The following TSPAN15 variants were observed in gnomAD, a reference collection of about 807,000 sequenced individuals.
TSPAN15 encodes the protein tetraspanin-15.
In TSPAN15, 20 loss-of-function variants were observed where a neutral mutation model predicts 34.5. The ratio of observed to expected loss-of-function variants is 0.58; its 90% confidence interval spans 0.41 to 0.84. The LOEUF (loss-of-function observed/expected upper bound fraction) is 0.84, where lower values mean the gene tolerates loss of function less well. TSPAN15 is among the 40% of genes least tolerant of loss of function. The pLI is 0.00. For synonymous variants in TSPAN15, 155 were observed against 153.9 expected (o/e 1.01, Z -0.05); for missense variants, 313 against 386.1 (o/e 0.81, Z 1.59).
At chr10:69,508,541 G>C (rs1343980824), downstream of TSPAN15, among the ~76,000 whole-genome samples, 1 of 151,260 alleles carries the variant, frequency 6.6e-6, no homozygotes, top group Non-Finnish European at 1.5e-5. Flanking sequence ...TACACACCCA[G>C]TAGTTAAGTG....
the TSPAN15 span, chr10:69,523,498 T>C: frequency 5.9e-6 from 3 of 506,484 alleles, no homozygotes; most frequent in South Asian, 5.0e-5. Flanking sequence ...GGCCAGACTG[T>C]GTAAGAAGTG....
At chr10:69,546,266 T>C in the TSPAN15 span, among the ~76,000 whole-genome samples, 170 of 152,324 alleles carry the variant, frequency 1.1e-3, no homozygotes, top group African/African-American at 3.9e-3. Context: ...AGAGCCTGCG[T>C]AGTCTCTAGA....
chr10:69,510,938 G>A (rs1163226423), downstream of TSPAN15, among the ~76,000 whole-genome samples: 1 of 152,198 alleles, frequency 6.6e-6, no homozygotes, highest in Non-Finnish European at 1.5e-5. Flanking sequence ...CTTGATCGTG[G>A]TAGATAAGCT....
chr10:69,493,673 C>T (rs564155106), intron 3 of TSPAN15, among the ~76,000 whole-genome samples: 12 of 152,272 alleles, frequency 7.9e-5, no homozygotes, highest in Admixed American at 2.6e-4. Flanking sequence ...GGGGTTTCAC[C>T]GAGTTAGCCA....
the TSPAN15 span, among the ~76,000 whole-genome samples, chr10:69,524,822 C>T: frequency 6.9e-6 from 1 of 145,500 alleles, no homozygotes; most frequent in Non-Finnish European, 1.5e-5. Context: ...CTCTTGTCAC[C>T]CAGGTTGGGG....
At chr10:69,495,523 T>A in intron 3 of TSPAN15, 71 bp from the exon 4 acceptor site, 1 of 1,160,386 alleles carries the variant, frequency 8.6e-7, no homozygotes, top group South Asian at 1.2e-5. Flanking sequence ...CCATCCAGGC[T>A]TCTGGAAAAC....
chr10:69,490,826 T>C (rs149458003), intron 3 of TSPAN15, among the ~76,000 whole-genome samples: 4 of 152,390 alleles, frequency 2.6e-5, no homozygotes, highest in African/African-American at 9.6e-5. Context: ...GTATCATTTT[T>C]TACTGTTGTG....
At chr10:69,475,148 T>G in intron 1 of TSPAN15, among the ~76,000 whole-genome samples, 1 of 151,762 alleles carries the variant, frequency 6.6e-6, no homozygotes, top group African/African-American at 2.4e-5. Flanking sequence ...GGGTGTTGGG[T>G]GGAGATGAAG....
intron 1 of TSPAN15, among the ~76,000 whole-genome samples, chr10:69,462,626 CG>C (rs891793398): frequency 1.3e-5 from 2 of 152,176 alleles, no homozygotes; most frequent in Admixed American, 1.3e-4. Context: ...TGAGCCACCG[CG>C]CCTGGCCCTA....
chr10:69,505,694 C>T (rs1439120224), intron 6 of TSPAN15, among the ~76,000 whole-genome samples: 1 of 152,086 alleles, frequency 6.6e-6, no homozygotes, highest in Non-Finnish European at 1.5e-5. Context: ...AGGCACTGGC[C>T]ACCATGCCCA....
chr10:69,536,806 G>A, the TSPAN15 span, among the ~76,000 whole-genome samples: 438 of 152,104 alleles, frequency 2.9e-3, 1 homozygote, highest in Non-Finnish European at 4.4e-3. Flanking sequence ...CCAACACGGC[G>A]AAACCCCGTC....
the TSPAN15 span, among the ~76,000 whole-genome samples, chr10:69,528,577 A>G: frequency 1.3e-5 from 2 of 148,550 alleles, no homozygotes; most frequent in Non-Finnish European, 3.0e-5. Flanking sequence ...TAGCCCCACC[A>G]TTCAGTGGCT....
chr10:69,506,296 G>A lies in TSPAN15; in HGVS notation c.735+56G>A. ...GACTTGGTGATTGCAGAAGGGCAGA[G>A]AAGGTGCAGAGGGGAAGAGCGAAGA... On this transcript the variant is annotated intron_variant, in intron 7 of 7. Transcript: ENST00000373290. The surrounding 1 kb of genome is among the most constrained non-coding windows in gnomAD (Gnocchi z 4.7). 6.5e-7 allele frequency: 1 copy of A among 1,541,374 alleles called. No individual in the cohort carries two copies. The highest frequency in any genetic ancestry group is 9.0e-7 in the Non-Finnish European group (1 of 1,114,634).
the TSPAN15 span, among the ~76,000 whole-genome samples, chr10:69,540,808 G>A: frequency 4.7e-4 from 71 of 152,292 alleles, no homozygotes; most frequent in African/African-American, 1.6e-3. Context: ...TGTAGGGAAA[G>A]CAGTGTGACC....
chr10:69,515,910 G>T, the TSPAN15 span, among the ~76,000 whole-genome samples: 1 of 152,246 alleles, frequency 6.6e-6, no homozygotes, highest in Non-Finnish European at 1.5e-5. Context: ...GTGGCAGCAG[G>T]AGTCTGCTTT....
At chr10:69,545,512 G>C in the TSPAN15 span, among the ~76,000 whole-genome samples, 1 of 152,158 alleles carries the variant, frequency 6.6e-6, no homozygotes, top group Non-Finnish European at 1.5e-5. Context: ...CTGCACAGTC[G>C]GAGGCAGTCA....
In TSPAN15 at chr10:69,454,225, A is replaced by G. The variant is rs190066565; in HGVS notation, c.96+2535A>G. On this transcript the variant is annotated intron_variant, in intron 1 of 7. Transcript: ENST00000373290. ...GTAAGACTTTTTGCTTACTTTAAAAATTACTACTGGGGCCGGGCCCGGTGG... is the reference window on the plus strand; with the variant it reads ...GTAAGACTTTTTGCTTACTTTAAAAGTTACTACTGGGGCCGGGCCCGGTGG... Among the ~76,000 whole-genome samples the G allele has an allele frequency of 3.9e-5, 6 of 152,302 alleles. No individual in the cohort carries two copies. In the East Asian group the frequency reaches 9.6e-4, roughly 24 times the overall value.
chr10:69,486,447 GT>G (rs887542269), intron 3 of TSPAN15, among the ~76,000 whole-genome samples: 1 of 152,066 alleles, frequency 6.6e-6, no homozygotes, highest in African/African-American at 2.4e-5. Context: ...AATAATGTTT[GT>G]TTATTTTTTT....
intron 1 of TSPAN15, among the ~76,000 whole-genome samples, chr10:69,470,537 A>G (rs78872928): frequency 6.6e-6 from 1 of 152,166 alleles, no homozygotes; most frequent in African/African-American, 2.4e-5. Flanking sequence ...TGGTCACCAC[A>G]GTAGCTCCCT....
Sources: allele counts gnomAD v4.1 joint callset (sites outside exome capture counted in the v4.1 genomes callset), GRCh38; gene constraint gnomAD v4.1.1; non-coding constraint Gnocchi (gnomAD v3.1); transcripts MANE v1.5; gene names NCBI Gene and HGNC (gene_info 2026-07-23, HGNC 2026-07-21).